Variants in FOXP1 observed in about 807,000 individuals in gnomAD.
FOXP1 encodes forkhead box P1, also known as forkhead box protein P1.
FOXP1 carries 15 observed loss-of-function variants against 98.2 expected under a neutral mutation model. The ratio of observed to expected loss-of-function variants is 0.15; its 90% confidence interval spans 0.10 to 0.24. The LOEUF (loss-of-function observed/expected upper bound fraction) is 0.24. Among genes scored for constraint, FOXP1 ranks in the 10% least tolerant of loss-of-function variants. The probability of loss-of-function intolerance (pLI) is 1.00; values close to 1 mark genes in which losing one functional copy is unlikely to be tolerated. For missense variants in FOXP1, 633 were observed against 848.5 expected (o/e 0.75, Z 3.15); for synonymous variants, 371 against 314.5 (o/e 1.18, Z -1.90).
intron 4 of FOXP1, among the ~76,000 whole-genome samples, chr3:71,340,034 A>C (rs1409832469): frequency 6.6e-6 from 1 of 152,240 alleles, no homozygotes; most frequent in Non-Finnish European, 1.5e-5. Flanking sequence ...ATTTCATGTC[A>C]AAGTAAATAC....
At chr3:71,061,442 CA>C (rs1194869190) in intron 7 of FOXP1, among the ~76,000 whole-genome samples, 4 of 152,106 alleles carry the variant, frequency 2.6e-5, no homozygotes, top group Admixed American at 2.6e-4. Flanking sequence ...TCCTTCTACT[CA>C]AGCATATATA....
At position 70,957,957 on chromosome 3, in the gene FOXP1, C is replaced by CCTA. The variant is rs2032213669; in HGVS notation, c.*1287_*1289dup. Reference sequence around the variant, plus strand: ...TAAACTCAGCGCCGCCGCCGCCACCCCTACTTTCAGGGCAGCTGCTCGGGG... The same window carrying CCTA: ...TAAACTCAGCGCCGCCGCCGCCACCCCTACTACTTTCAGGGCAGCTGCTCGGGG... On this transcript the variant is annotated 3_prime_UTR_variant, in exon 21 of 21. Transcript: ENST00000649528. 1 of 245,938 alleles carries CCTA rather than the reference C, an allele frequency of 4.1e-6. No homozygotes were observed. Among genetic ancestry groups the CCTA allele is most frequent in the African/African-American group, 2.2e-5 (1 of 45,388 alleles). 15.2% of individuals were successfully genotyped at this position (245,938 alleles called of 1,614,324 possible). A position where few individuals can be genotyped will look rare whatever the true frequency, so the allele number is the denominator to read the frequency against.
chr3:71,387,516 T>A (rs758630783), intron 3 of FOXP1, among the ~76,000 whole-genome samples: 13 of 152,262 alleles, frequency 8.5e-5, no homozygotes, highest in Non-Finnish European at 1.8e-4. Flanking sequence ...TAATGAGCCA[T>A]CATAACAAGT....
chr3:71,137,702 G>A (rs1266753827), intron 6 of FOXP1, among the ~76,000 whole-genome samples: 5 of 151,970 alleles, frequency 3.3e-5, no homozygotes, highest in African/African-American at 7.3e-5. Flanking sequence ...TCAACAATTC[G>A]CCCACCTTCA....
chr3:71,092,406 G>A (rs2055974148), intron 7 of FOXP1, among the ~76,000 whole-genome samples: 1 of 151,906 alleles, frequency 6.6e-6, no homozygotes, highest in Non-Finnish European at 1.5e-5. Context: ...ACCAGGATGT[G>A]CCAGTCTGTG....
chr3:71,242,128 T>C (rs2067332996), intron 5 of FOXP1, among the ~76,000 whole-genome samples: 1 of 152,206 alleles, frequency 6.6e-6, no homozygotes, highest in South Asian at 2.1e-4. Context: ...CTTGCAGCAA[T>C]GATAACAATG....
At position 71,532,377 on chromosome 3, in the gene FOXP1, A is replaced by G. The variant is rs1370921216; in HGVS notation, c.-297-38822T>C. Among the ~76,000 whole-genome samples the G allele has an allele frequency of 2.6e-5, 4 of 152,184 alleles. No individual in the cohort carries two copies. In the East Asian group the frequency reaches 5.8e-4, roughly 22 times the overall value. On this transcript the variant is annotated intron_variant, in intron 2 of 20. Transcript: ENST00000649528. ...CTCCCAAAGTGCTGAGATTACAGGCATGAGCCACCACGGCCGGCACAAAGA... is the reference window on the plus strand; with the variant it reads ...CTCCCAAAGTGCTGAGATTACAGGCGTGAGCCACCACGGCCGGCACAAAGA...
At chr3:71,483,048 C>G (rs2090402127) in intron 3 of FOXP1, among the ~76,000 whole-genome samples, 3 of 151,714 alleles carry the variant, frequency 2.0e-5, no homozygotes, top group African/African-American at 7.3e-5. Flanking sequence ...CTATGTTGCC[C>G]AGGCTGATCT....
chr3:71,121,178 G>C (rs927990736), intron 6 of FOXP1, among the ~76,000 whole-genome samples: 1 of 151,910 alleles, frequency 6.6e-6, no homozygotes, highest in Non-Finnish European at 1.5e-5. Context: ...AGGAGACATG[G>C]ACAGAGAGAG....
chr3:71,530,268 G>C (rs548638673), intron 2 of FOXP1, among the ~76,000 whole-genome samples: 4 of 152,054 alleles, frequency 2.6e-5, no homozygotes, highest in African/African-American at 9.7e-5. Flanking sequence ...CTCGGGAGTG[G>C]GTTCATTACT....
chr3:71,122,328 A>G (rs2058838164), intron 6 of FOXP1, among the ~76,000 whole-genome samples: 1 of 152,226 alleles, frequency 6.6e-6, no homozygotes, highest in Non-Finnish European at 1.5e-5. Flanking sequence ...CAGAGATAGA[A>G]GACAAAAGAA....
In FOXP1 at chr3:71,347,723, T is replaced by G. The variant is rs372342913; in HGVS notation, c.-73+11427A>C. On this transcript the variant is annotated intron_variant, in intron 4 of 20. Transcript: ENST00000649528. ...CAACATAGAGAAACCCCGTCTCTAC[T>G]AAAAATACAAAATTAGCCAGGCGTG... Among the ~76,000 whole-genome samples, 108 of 152,110 alleles carry G rather than the reference T, an allele frequency of 7.1e-4. 2 individuals are homozygous for G. The South Asian group carries it at 0.019, about 26-fold the overall frequency.
At chr3:71,489,788 A>G (rs891348522) in intron 3 of FOXP1, among the ~76,000 whole-genome samples, 3 of 152,246 alleles carry the variant, frequency 2.0e-5, no homozygotes, top group Non-Finnish European at 2.9e-5. Flanking sequence ...GCCGGCATCA[A>G]TCGAGTACAT....
intron 5 of FOXP1, among the ~76,000 whole-genome samples, chr3:71,210,051 A>T (rs1393311887): frequency 6.6e-6 from 1 of 152,202 alleles, no homozygotes; most frequent in Non-Finnish European, 1.5e-5. Flanking sequence ...AAAGGATATT[A>T]AAAAAATAAA....
At chr3:71,048,534 C>T (rs2049361968) in intron 9 of FOXP1, among the ~76,000 whole-genome samples, 1 of 151,708 alleles carries the variant, frequency 6.6e-6, no homozygotes, top group African/African-American at 2.4e-5. Flanking sequence ...AATTCTATAC[C>T]ACTAACAACA....
At chr3:71,477,761 C>T (rs1475270763) in intron 3 of FOXP1, among the ~76,000 whole-genome samples, 3 of 151,998 alleles carry the variant, frequency 2.0e-5, no homozygotes, top group African/African-American at 7.2e-5. Flanking sequence ...ATTCAAGTGA[C>T]AATGGAAAAG....
intron 3 of FOXP1, among the ~76,000 whole-genome samples, chr3:71,487,777 A>G (rs2090765161): frequency 6.6e-6 from 1 of 152,270 alleles, no homozygotes; most frequent in Non-Finnish European, 1.5e-5. Flanking sequence ...GTCCAGAAAA[A>G]TGTGTGTATA....
At chr3:71,337,147 TTG>T (rs1399911743) in intron 4 of FOXP1, among the ~76,000 whole-genome samples, 1 of 151,856 alleles carries the variant, frequency 6.6e-6, no homozygotes, top group African/African-American at 2.4e-5. Flanking sequence ...AAAACATGAG[TTG>T]TTTTTGGAAA....
intron 6 of FOXP1, among the ~76,000 whole-genome samples, chr3:71,163,748 C>T (rs979856473): frequency 9.9e-5 from 15 of 152,096 alleles, no homozygotes; most frequent in African/African-American, 3.4e-4. Context: ...TACATGTGAG[C>T]TTGCTACATA....
Sources: allele counts gnomAD v4.1 joint callset (sites outside exome capture counted in the v4.1 genomes callset), GRCh38; gene constraint gnomAD v4.1.1; transcripts MANE v1.5; gene names NCBI Gene and HGNC (gene_info 2026-07-23, HGNC 2026-07-21).